Variants in C10orf95 observed in about 807,000 individuals in gnomAD.
C10orf95 encodes chromosome 10 open reading frame 95.
For synonymous variants in C10orf95, 188 were observed against 160.4 expected (o/e 1.17, Z -1.30); for missense variants, 412 against 327.4 (o/e 1.26, Z -1.99).
In C10orf95 at chr10:102,450,378, C is replaced by T. The variant is rs2061683486; in HGVS notation, c.*74G>A. The T allele has an allele frequency of 1.4e-6, 2 of 1,463,336 alleles. No individual in the cohort carries two copies. The highest frequency in any genetic ancestry group is 1.2e-5 in the South Asian group (1 of 82,540). 90.6% of individuals were successfully genotyped at this position (1,463,336 alleles called of 1,614,324 possible). On this transcript the variant is annotated 3_prime_UTR_variant, in exon 2 of 2. Transcript: ENST00000625129. The stretch of plus-strand genomic sequence containing the variant: ...GCGCACAGGTGAGGGCTCACTTCTG[C>T]CTGTCGGCGGCGGCACACACAGGAA...
intron 1 of C10orf95, 105 bp from the exon 2 acceptor site, chr10:102,451,252 TC>T: frequency 7.0e-7 from 1 of 1,420,952 alleles, no homozygotes; most frequent in African/African-American, 1.4e-5. Flanking sequence ...GGGGAATTCA[TC>T]CCAAATCGAA....
chr10:102,450,936 G>T lies in C10orf95; in HGVS notation c.158C>A (p.Ala53Glu). The T allele has an allele frequency of 8.0e-7, 1 of 1,256,184 alleles. No individual in the cohort carries two copies. The highest frequency in any genetic ancestry group is 3.6e-5 in the South Asian group (1 of 28,064). The allele number at this position is 1,256,184 out of a possible 1,614,324, so 77.8% of individuals were successfully genotyped here. The change falls in exon 2 of 2, where the codon GCG (alanine) becomes GAG (glutamate). Residue 53 changes from alanine (A) to glutamate (E), a missense_variant. Physicochemically the swap from Ala to Glu is moderately radical, Grantham distance 107. Transcript: ENST00000625129. The stretch of plus-strand genomic sequence containing the variant: ...GAAGCGGTGGTATTCCCGTGGGGCC[G>T]CCCACTCGCCCGCATGCAGGCTCCC... The part of the protein sequence containing the change: ...RPGSLHAGEW[A>E]APREYHRFYG...
Position 102,450,686 on chromosome 10 carries a change from C to T in C10orf95, c.408G>A (p.Gln136=). The T allele has an allele frequency of 1.6e-6, 2 of 1,244,828 alleles. No homozygotes were observed. The highest frequency in any genetic ancestry group is 2.0e-6 in the Non-Finnish European group (2 of 995,304). 77.1% of individuals were successfully genotyped at this position (1,244,828 alleles called of 1,614,324 possible). A position where few individuals can be genotyped will look rare whatever the true frequency, so the allele number is the denominator to read the frequency against. ...RVERARGPPL[Q]LPDFVRRELR... is the part of the protein sequence containing the mutation. Reference sequence around the variant, plus strand: ...GCTCCCGGCGCACGAAGTCCGGTAGCTGCAGAGGGGGGCCCCGCGCGCGCT... The same window carrying T: ...GCTCCCGGCGCACGAAGTCCGGTAGTTGCAGAGGGGGGCCCCGCGCGCGCT... Residue 136 remains glutamine, a synonymous_variant, in exon 2 of 2, where the codon CAG becomes CAA. Coordinates refer to ENST00000625129, the MANE Select transcript of C10orf95 (RefSeq NM_001363580.1).
At position 102,451,515 on chromosome 10, in the gene C10orf95, C is replaced by T. The variant is rs753157177; in HGVS notation, c.-184G>A. On this transcript the variant is annotated 5_prime_UTR_variant, in exon 1 of 2. Transcript: ENST00000625129. ...CTGGTTACCAGGCAAAAGGAAACAC[C>T]TTGAGCTGGCCAGGAGCTACCAGCG... The T allele has an allele frequency of 7.4e-7, 1 of 1,351,478 alleles. No individual in the cohort carries two copies. Among genetic ancestry groups the T allele is most frequent in the Non-Finnish European group, 9.8e-7 (1 of 1,021,712 alleles). The allele number at this position is 1,351,478 out of a possible 1,614,324, so 83.7% of individuals were successfully genotyped here.
At position 102,451,038 on chromosome 10, in the gene C10orf95, TGCG is replaced by T. The variant is rs771031631; in HGVS notation, c.53_55del (p.Pro18del). On this transcript the variant is annotated inframe_deletion, in exon 2 of 2. Coordinates refer to ENST00000625129, the MANE Select transcript of C10orf95 (RefSeq NM_001363580.1). The stretch of plus-strand genomic sequence containing the variant: ...GGCCAGGTAGGTGCAGGTGAGCAGC[TGCG>T]GCGGCGGCGGCCAGACGCCCTGTTT... 36 of 1,361,768 alleles carry T rather than the reference TGCG, an allele frequency of 2.6e-5. No individual in the cohort carries two copies. Among genetic ancestry groups the T allele is most frequent in the South Asian group, 8.7e-5 (4 of 45,752 alleles). The allele number at this position is 1,361,768 out of a possible 1,614,324, so 84.4% of individuals were successfully genotyped here.
rs891936354 is a variant in C10orf95 at position 102,450,637 on chromosome 10, G to T, written c.457C>A (p.Pro153Thr). 2 of 1,235,842 alleles carry T rather than the reference G, an allele frequency of 1.6e-6. No individual in the cohort carries two copies. Among genetic ancestry groups the T allele is most frequent in the South Asian group, 3.3e-5 (1 of 30,492 alleles). The allele number at this position is 1,235,842 out of a possible 1,614,324, so 76.6% of individuals were successfully genotyped here. A position where few individuals can be genotyped will look rare whatever the true frequency, so the allele number is the denominator to read the frequency against. ...RELRRAYGTY[P>T]RADVRVTQRR... ...TGGGTGACGCGCACGTCGGCGCGGG[G>T]GTAGGTGCCGTACGCGCGCCGCAGC... Residue 153 changes from proline (P) to threonine (T), a missense_variant, in exon 2 of 2, where the codon CCC (proline) becomes ACC (threonine). Physicochemically the swap from Pro to Thr is conservative, Grantham distance 38 (BLOSUM62 -1). Coordinates refer to ENST00000625129, the MANE Select transcript of C10orf95 (RefSeq NM_001363580.1).
rs2061691021 is a variant in C10orf95, at chr10:102,451,208, G to GGCCGGTTCCCCGGGAC, written c.-54-77_-54-62dup. Reference sequence around the variant, plus strand: ...TACTTAACCGCCTCCTGTCCCTGTGGGCCGGTTCCCCGGGACGCCGGTTCA... The same window carrying GGCCGGTTCCCCGGGAC: ...TACTTAACCGCCTCCTGTCCCTGTGGGCCGGTTCCCCGGGACGCCGGTTCCCCGGGACGCCGGTTCA... On this transcript the variant is annotated intron_variant, in intron 1 of 1. Coordinates refer to ENST00000625129, the MANE Select transcript of C10orf95 (RefSeq NM_001363580.1). 29 of 1,453,930 alleles carry GGCCGGTTCCCCGGGAC rather than the reference G, an allele frequency of 2.0e-5. No homozygotes were observed. The South Asian group carries it at 3.9e-4, about 20-fold the overall frequency. 90.1% of individuals were successfully genotyped at this position (1,453,930 alleles called of 1,614,324 possible). A position where few individuals can be genotyped will look rare whatever the true frequency, so the allele number is the denominator to read the frequency against.
In C10orf95 at chr10:102,450,699, C is replaced by A; in HGVS notation, c.395G>T (p.Gly132Val). The part of the protein sequence containing the change: ...LRWGRVERAR[G>V]PPLQLPDFVR... ...GAAGTCCGGTAGCTGCAGAGGGGGG[C>A]CCCGCGCGCGCTCCACGCGGCCCCA... The change falls in exon 2 of 2, where the codon GGC (glycine) becomes GTC (valine). Residue 132 changes from glycine (G) to valine (V), a missense_variant. Physicochemically the swap from Gly to Val is moderately radical, Grantham distance 109 (BLOSUM62 -3). Transcript: ENST00000625129. The A allele has an allele frequency of 1.6e-6, 2 of 1,254,082 alleles. No homozygotes were observed. Among genetic ancestry groups the A allele is most frequent in the Non-Finnish European group, 1.0e-6 (1 of 999,080 alleles). 77.7% of individuals were successfully genotyped at this position (1,254,082 alleles called of 1,614,324 possible).
chr10:102,450,636 G>C lies in C10orf95; in HGVS notation c.458C>G (p.Pro153Arg). The C allele has an allele frequency of 8.1e-7, 1 of 1,234,238 alleles. No individual in the cohort carries two copies. The highest frequency in any genetic ancestry group is 1.0e-6 in the Non-Finnish European group (1 of 990,392). 76.5% of individuals were successfully genotyped at this position (1,234,238 alleles called of 1,614,324 possible). A position where few individuals can be genotyped will look rare whatever the true frequency, so the allele number is the denominator to read the frequency against. The part of the protein sequence containing the change: ...RELRRAYGTY[P>R]RADVRVTQRR... ...CTGGGTGACGCGCACGTCGGCGCGG[G>C]GGTAGGTGCCGTACGCGCGCCGCAG... Residue 153 changes from proline (P) to arginine (R), a missense_variant, in exon 2 of 2, where the codon CCC becomes CGC. Pro to Arg is a moderately radical substitution (Grantham distance 103, BLOSUM62 -2). Transcript: ENST00000625129.
rs1343072092 is a variant in C10orf95 at position 102,450,796 on chromosome 10, G to GCA, written c.296_297dup (p.Gln100CysfsTer114). On this transcript the variant is annotated frameshift_variant, in exon 2 of 2. Coordinates refer to ENST00000625129, the MANE Select transcript of C10orf95 (RefSeq NM_001363580.1). LOFTEE classifies it low-confidence loss of function (END_TRUNC). ...CTCTCGGCCACCGCCGCGGGCGCCTGCAGCGACAGTCCCGAGATGCCGGCG... is the reference window on the plus strand; with the variant it reads ...CTCTCGGCCACCGCCGCGGGCGCCTGCACAGCGACAGTCCCGAGATGCCGGCG... The GCA allele has an allele frequency of 2.4e-6, 3 of 1,267,906 alleles. No individual in the cohort carries two copies. 78.5% of individuals were successfully genotyped at this position (1,267,906 alleles called of 1,614,324 possible).
chr10:102,450,621 C>T lies in C10orf95; in HGVS notation c.473G>A (p.Arg158His). The T allele has an allele frequency of 8.1e-7, 1 of 1,238,034 alleles. No individual in the cohort carries two copies. The highest frequency in any genetic ancestry group is 1.0e-6 in the Non-Finnish European group (1 of 992,974). 76.7% of individuals were successfully genotyped at this position (1,238,034 alleles called of 1,614,324 possible). A position where few individuals can be genotyped will look rare whatever the true frequency, so the allele number is the denominator to read the frequency against. ...GAACTGGCCGCGGCGCTGGGTGACG[C>T]GCACGTCGGCGCGGGGGTAGGTGCC... ...AYGTYPRADV[R>H]VTQRRGQFLL... Residue 158 changes from arginine (R) to histidine (H), a missense_variant, in exon 2 of 2, where the codon CGC (arginine) becomes CAC (histidine). Physicochemically the swap from Arg to His is conservative, Grantham distance 29. Coordinates refer to ENST00000625129, the MANE Select transcript of C10orf95 (RefSeq NM_001363580.1).
chr10:102,451,324 G>A, intron 1 of C10orf95, 62 bp downstream of exon 1: 1 of 1,528,178 alleles, frequency 6.5e-7, no homozygotes, highest in South Asian at 1.2e-5. Flanking sequence ...GCTCCCAGCA[G>A]ACAATAAGGA....
intron 1 of C10orf95, 37 bp from the exon 2 acceptor site, chr10:102,451,184 A>G: frequency 6.8e-7 from 1 of 1,466,240 alleles, no homozygotes; most frequent in South Asian, 1.4e-5. Flanking sequence ...CAGACTTTCT[A>G]CTTAACCGCC....
rs1328365901 is a variant in C10orf95 at position 102,451,098 on chromosome 10, G to A, written c.-5C>T. On this transcript the variant is annotated 5_prime_UTR_variant, in exon 2 of 2. The change creates a premature stop within an existing upstream ORF in the 5' untranslated region. Coordinates refer to ENST00000625129, the MANE Select transcript of C10orf95 (RefSeq NM_001363580.1). ...CGGCCAGCTGTACACATACATGGTC[G>A]GCCCCCCAGGCGGCTGCTGTTCTTA... 7.0e-7 allele frequency: 1 copy of A among 1,434,378 alleles called. No homozygotes were observed. Among genetic ancestry groups the A allele is most frequent in the Non-Finnish European group, 9.1e-7 (1 of 1,095,930 alleles). The allele number at this position is 1,434,378 out of a possible 1,614,324, so 88.9% of individuals were successfully genotyped here. A position where few individuals can be genotyped will look rare whatever the true frequency, so the allele number is the denominator to read the frequency against.
chr10:102,449,920 CCA>C lies in C10orf95; in HGVS notation c.*530_*531del, dbSNP rs1353897896. 2 of 175,800 alleles carry C rather than the reference CCA, an allele frequency of 1.1e-5. No individual in the cohort carries two copies. The highest frequency in any genetic ancestry group is 4.7e-5 in the African/African-American group (2 of 42,334). 10.9% of individuals were successfully genotyped at this position (175,800 alleles called of 1,614,324 possible). ...CAAGCGATCCGCCCGCCTCGGCCTC[CCA>C]CAGTGCTGGGATTCCAGGCGTGAGC... On this transcript the variant is annotated 3_prime_UTR_variant, in exon 2 of 2. Transcript: ENST00000625129.
Position 102,450,202 on chromosome 10 carries a change from A to G in C10orf95, c.*250T>C. The G allele has an allele frequency of 3.2e-6, 2 of 631,190 alleles. No individual in the cohort carries two copies. Among genetic ancestry groups the G allele is most frequent in the Non-Finnish European group, 5.9e-6 (2 of 339,266 alleles). 39.1% of individuals were successfully genotyped at this position (631,190 alleles called of 1,614,324 possible). ...ACTTCCCAAGGTGCAAGAAGAAAAG[A>G]GGTACAGAACACCCAGAGGTGCCCT... On this transcript the variant is annotated 3_prime_UTR_variant, in exon 2 of 2. Transcript: ENST00000625129.
At position 102,450,547 on chromosome 10, in the gene C10orf95, A is replaced by T; in HGVS notation, c.547T>A (p.Trp183Arg). The change falls in exon 2 of 2, where the codon TGG becomes AGG. Residue 183 changes from tryptophan (W) to arginine (R), a missense_variant. By Grantham distance (101) the Trp-to-Arg change is moderately radical. Transcript: ENST00000625129. ...RVLEPDHRVE[W>R]RVRRRPDSGD... ...CTGTCGGGCCGGCGCCGCACGCGCC[A>T]CTCCACGCGGTGGTCGGGCTCGAGC... 2 of 1,359,934 alleles carry T rather than the reference A, an allele frequency of 1.5e-6. No individual in the cohort carries two copies. Among genetic ancestry groups the T allele is most frequent in the South Asian group, 1.7e-5 (1 of 57,234 alleles). The allele number at this position is 1,359,934 out of a possible 1,614,324, so 84.2% of individuals were successfully genotyped here.
chr10:102,451,227 C>G, intron 1 of C10orf95, 80 bp from the exon 2 acceptor site: 6 of 1,430,322 alleles, frequency 4.2e-6, no homozygotes, highest in Non-Finnish European at 5.5e-6. Context: ...CCCGGGACGC[C>G]GGTTCATGGC....
At position 102,450,083 on chromosome 10, in the gene C10orf95, G is replaced by A. The variant is rs538886435; in HGVS notation, c.*369C>T. 20 of 298,262 alleles carry A rather than the reference G, an allele frequency of 6.7e-5. No homozygotes were observed. The highest frequency in any genetic ancestry group is 3.7e-4 in the African/African-American group (17 of 46,024). The allele number at this position is 298,262 out of a possible 1,614,324, so 18.5% of individuals were successfully genotyped here. ...CTCTGATAGAGGGAAAAGAGGAAGG[G>A]AAAGTTGGGGCTTACTGCAGGGCAA... On this transcript the variant is annotated 3_prime_UTR_variant, in exon 2 of 2. Transcript: ENST00000625129.
Sources: allele counts gnomAD v4.1 joint callset, GRCh38; gene constraint gnomAD v4.1.1; transcripts MANE v1.5; gene names NCBI Gene and HGNC (gene_info 2026-07-23, HGNC 2026-07-21).